Variants in SIAH3 observed in about 807,000 individuals in gnomAD.
SIAH3 encodes seven in absentia homolog 3.
A neutral mutation model predicts 12.6 loss-of-function variants in SIAH3; 9 were observed. The ratio of observed to expected loss-of-function variants is 0.72; its 90% CI spans 0.43 to 1.25. SIAH3 has a LOEUF of 1.25. SIAH3 is among the 50% of genes most tolerant of loss of function. The pLI, the probability that SIAH3 is intolerant of heterozygous loss-of-function variation, is 0.00. For synonymous variants in SIAH3, 154 were observed against 151.1 expected (o/e 1.02, Z -0.14); for missense variants, 390 against 365.4 (o/e 1.07, Z -0.55).
At chr13:45,803,261 GT>G (rs1339590773) in intron 1 of SIAH3, among the ~76,000 whole-genome samples, 1 of 152,192 alleles carries the variant, frequency 6.6e-6, no homozygotes, top group Non-Finnish European at 1.5e-5. Flanking sequence ...TATGGATTTA[GT>G]TTTATTCATT....
Position 45,783,878 on chromosome 13 carries a change from G to A in SIAH3, c.315C>T (p.Cys105=), listed in dbSNP as rs930534732. 1 of 1,613,320 alleles carries A rather than the reference G, an allele frequency of 6.2e-7. No individual in the cohort carries two copies. Among genetic ancestry groups the A allele is most frequent in the East Asian group, 2.2e-5 (1 of 44,866 alleles). The part of the protein sequence containing the change: ...AGLHANPVTP[C]LCMCPLFSCQ... ...AGGAGAACAAGGGACACATGCACAG[G>A]CAGGGCGTCACCGGGTTGGCGTGCA... Residue 105 remains cysteine (C), a synonymous_variant, in exon 2 of 2, where the codon TGC becomes TGT. Coordinates refer to ENST00000400405, the MANE Select transcript of SIAH3 (RefSeq NM_198849.3).
intron 1 of SIAH3, among the ~76,000 whole-genome samples, chr13:45,826,441 A>G (rs146899907): frequency 0.73 from 17,920 of 24,574 alleles, 5,810 homozygotes; most frequent in East Asian, 0.85. Flanking sequence ...GAATGGATGC[A>G]TGGATGGATG....
At chr13:45,837,972 C>T (rs766528305) in intron 1 of SIAH3, among the ~76,000 whole-genome samples, 7 of 152,172 alleles carry the variant, frequency 4.6e-5, no homozygotes, top group Non-Finnish European at 8.8e-5. Flanking sequence ...AAATTAACCT[C>T]GTTTCATTCT....
At position 45,783,966 on chromosome 13, in the gene SIAH3, CGGTGGTGGCAGTGGT is replaced by C. The variant is rs776138064; in HGVS notation, c.212_226del (p.His71_His75del). 2 of 1,603,626 alleles carry C rather than the reference CGGTGGTGGCAGTGGT, an allele frequency of 1.2e-6. No homozygotes were observed. The highest frequency in any genetic ancestry group is 4.5e-5 in the East Asian group (2 of 44,854). On this transcript the variant is annotated inframe_deletion, in exon 2 of 2. Transcript: ENST00000400405. The stretch of plus-strand genomic sequence containing the variant: ...GTGGTGGCGGAGGTGGTGGTGGTGG[CGGTGGTGGCAGTGGT>C]GGTGGGAGAGATGGTGAGGGTGGAA...
chr13:45,815,392 A>G (rs34777239), intron 1 of SIAH3, among the ~76,000 whole-genome samples: 18,607 of 152,038 alleles, frequency 0.12, 1,691 homozygotes, highest in Non-Finnish European at 0.18. Context: ...AATTCTGCCT[A>G]CAGACTGTCT....
At chr13:45,827,139 T>G (rs1485809051) in intron 1 of SIAH3, among the ~76,000 whole-genome samples, 1 of 152,218 alleles carries the variant, frequency 6.6e-6, no homozygotes, top group Non-Finnish European at 1.5e-5. Flanking sequence ...CCTGTGTGAC[T>G]GACCCAGCTC....
In SIAH3 at chr13:45,779,974, A is replaced by G. The variant is rs1950497656; in HGVS notation, c.*3409T>C. ...CCTCTCTCCACACCTCCTGAAAAAAACCTCTGGCAGATGCCTGAAGTTCAG... is the reference window on the plus strand; with the variant it reads ...CCTCTCTCCACACCTCCTGAAAAAAGCCTCTGGCAGATGCCTGAAGTTCAG... On this transcript the variant is annotated 3_prime_UTR_variant, in exon 2 of 2. Transcript: ENST00000400405. 1 of 152,176 alleles carries G rather than the reference A, an allele frequency of 6.6e-6. No homozygotes were observed. The allele number at this position is 152,176 out of a possible 1,614,324, so 9.4% of individuals were successfully genotyped here. A position where few individuals can be genotyped will look rare whatever the true frequency, so the allele number is the denominator to read the frequency against.
intron 1 of SIAH3, among the ~76,000 whole-genome samples, chr13:45,813,688 C>T (rs761214353): frequency 1.3e-5 from 2 of 152,114 alleles, no homozygotes; most frequent in African/African-American, 2.4e-5. Flanking sequence ...ACATCAAGGC[C>T]CTGGGAGGTC....
At chr13:45,802,176 T>C (rs910473086) in intron 1 of SIAH3, among the ~76,000 whole-genome samples, 1 of 152,002 alleles carries the variant, frequency 6.6e-6, no homozygotes, top group African/African-American at 2.4e-5. Context: ...CGTGGTGGCA[T>C]GCACCTGTAA....
intron 1 of SIAH3, among the ~76,000 whole-genome samples, chr13:45,824,674 G>C (rs1282188043): frequency 1.3e-5 from 2 of 148,218 alleles, no homozygotes; most frequent in Non-Finnish European, 3.0e-5. Context: ...CAGACACATA[G>C]AGCCTGGCAC....
chr13:45,811,220 G>A (rs1950615263), intron 1 of SIAH3, among the ~76,000 whole-genome samples: 1 of 152,224 alleles, frequency 6.6e-6, no homozygotes, highest in African/African-American at 2.4e-5. Context: ...TGCTGGTGGT[G>A]GTGATGGTAA....
At chr13:45,794,441 T>A (rs1950556148) in intron 1 of SIAH3, among the ~76,000 whole-genome samples, 1 of 152,190 alleles carries the variant, frequency 6.6e-6, no homozygotes, top group Admixed American at 6.5e-5. Context: ...ATCATCATTA[T>A]TGCACAGTGA....
intron 1 of SIAH3, among the ~76,000 whole-genome samples, chr13:45,838,651 G>A (rs1038258375): frequency 6.6e-6 from 1 of 152,066 alleles, no homozygotes. Flanking sequence ...CCTTTCCTTA[G>A]GTTTCCTTTT....
At chr13:45,820,143 A>G (rs1259069523) in intron 1 of SIAH3, among the ~76,000 whole-genome samples, 2 of 152,186 alleles carry the variant, frequency 1.3e-5, no homozygotes, top group African/African-American at 4.8e-5. Flanking sequence ...CCACCTCTTA[A>G]TACCATCACA....
intron 1 of SIAH3, among the ~76,000 whole-genome samples, chr13:45,786,822 C>A (rs1323512739): frequency 6.6e-6 from 1 of 152,142 alleles, no homozygotes; most frequent in Non-Finnish European, 1.5e-5. Flanking sequence ...TCACACTTGG[C>A]CTGGGGCCAC....
chr13:45,818,283 C>T (rs1438947777), intron 1 of SIAH3, among the ~76,000 whole-genome samples: 1 of 152,208 alleles, frequency 6.6e-6, no homozygotes, highest in African/African-American at 2.4e-5. Flanking sequence ...TACTTGTGTT[C>T]ATGTCCTTGT....
chr13:45,836,647 A>G (rs1950718885), intron 1 of SIAH3, among the ~76,000 whole-genome samples: 1 of 152,228 alleles, frequency 6.6e-6, no homozygotes, highest in Non-Finnish European at 1.5e-5. Flanking sequence ...GGAGAGCATC[A>G]GGAAGAACAG....
chr13:45,830,683 T>C (rs1414319264), intron 1 of SIAH3, among the ~76,000 whole-genome samples: 2 of 152,188 alleles, frequency 1.3e-5, no homozygotes, highest in African/African-American at 2.4e-5. Flanking sequence ...CTAAACTTGC[T>C]CCCAGCTCTT....
intron 1 of SIAH3, among the ~76,000 whole-genome samples, chr13:45,792,359 A>C (rs1444031543): frequency 2.6e-5 from 2 of 76,204 alleles, no homozygotes; most frequent in East Asian, 5.0e-4. Flanking sequence ...TGAAGGTATA[A>C]ATTTTTTTTT....
Sources: gnomAD v4.1 joint callset for allele counts (sites outside exome capture counted in the v4.1 genomes callset) on GRCh38, gnomAD v4.1.1 for gene constraint, MANE v1.5 for transcripts, NCBI Gene and HGNC (gene_info 2026-07-23, HGNC 2026-07-21) for gene names.